DAB1: variants seen among roughly 807,000 people sequenced by gnomAD.
DAB1 encodes the protein disabled homolog 1.
Under a neutral mutation model 64.6 loss-of-function variants are expected in DAB1, and 15 were observed. That is an observed-to-expected ratio of 0.23 (90% confidence interval 0.16 to 0.36). The LOEUF (loss-of-function observed/expected upper bound fraction) is 0.36, where lower values mean the gene tolerates loss of function less well. Among genes scored for constraint, DAB1 ranks in the 10% least tolerant of loss-of-function variants. The probability of loss-of-function intolerance (pLI) is 1.00; values close to 1 mark genes in which losing one functional copy is unlikely to be tolerated. For missense variants in DAB1, 596 were observed against 706.7 expected, an observed-to-expected ratio of 0.84 and a Z score of 1.78; for synonymous variants, 235 against 251.9, an observed-to-expected ratio of 0.93 and a Z score of 0.64.
intron 4 of DAB1, among the ~76,000 whole-genome samples, chr1:58,157,504 G>T (rs567490643): frequency 6.6e-6 from 1 of 152,302 alleles, no homozygotes; most frequent in South Asian, 2.1e-4. Context: ...AGTTTACTGA[G>T]TTCCAGTCAC....
chr1:58,280,710 A>G lies in DAB1; in HGVS notation n.309+62642T>C, dbSNP rs1661539947. Reference sequence around the variant, plus strand: ...GTCTCAGCTTTTCTATCTGTAATAAAGAAGGAGGAGGAGGAGGAGGCCACC... The same window carrying G: ...GTCTCAGCTTTTCTATCTGTAATAAGGAAGGAGGAGGAGGAGGAGGCCACC... On this transcript the variant is annotated intron_variant and non_coding_transcript_variant, in intron 4 of 20. Transcript: ENST00000485760. Among the ~76,000 whole-genome samples the G allele has an allele frequency of 2.0e-5, 3 of 152,340 alleles. No homozygotes were observed. The South Asian group carries it at 6.2e-4, about 32-fold the overall frequency.
intron 5 of DAB1, among the ~76,000 whole-genome samples, chr1:57,959,942 CCT>C (rs1457022512): frequency 1.3e-5 from 2 of 152,160 alleles, no homozygotes; most frequent in Non-Finnish European, 2.9e-5. Flanking sequence ...TCTTCTTTCT[CCT>C]CTCTCTAGGC....
intron 5 of DAB1, among the ~76,000 whole-genome samples, chr1:58,133,944 G>A (rs1279017716): frequency 6.6e-6 from 1 of 152,066 alleles, no homozygotes; most frequent in Non-Finnish European, 1.5e-5. Flanking sequence ...CCACCCCCAA[G>A]GCACACAGGA....
chr1:57,687,599 C>CAAAAAAAAA (rs57316234), intron 6 of DAB1, among the ~76,000 whole-genome samples: 1,245 of 81,602 alleles, frequency 0.015, 1 homozygote, highest in Non-Finnish European at 0.016. Flanking sequence ...TCTTAAGAAA[C>CAAAAAAAAA]AAAAAAAAAA....
At chr1:57,305,445 C>T (rs1240769197) in intron 1 of DAB1, among the ~76,000 whole-genome samples, 6 of 152,190 alleles carry the variant, frequency 3.9e-5, no homozygotes, top group Non-Finnish European at 8.8e-5. Context: ...AGGAGGCCCA[C>T]ACATGAAAGA....
intron 1 of DAB1, among the ~76,000 whole-genome samples, chr1:57,393,666 T>A (rs954693608): frequency 6.6e-6 from 1 of 152,084 alleles, no homozygotes; most frequent in African/African-American, 2.4e-5. Flanking sequence ...TCTCAAAAAA[T>A]GAAAATCAAA....
At chr1:57,439,002 C>T (rs1230327005) in intron 7 of DAB1, among the ~76,000 whole-genome samples, 1 of 152,124 alleles carries the variant, frequency 6.6e-6, no homozygotes, top group African/African-American at 2.4e-5. Context: ...GCATGTGACC[C>T]AAGCTAAGTC....
intron 2 of DAB1, among the ~76,000 whole-genome samples, chr1:57,211,454 A>T (rs1326119314): frequency 6.6e-6 from 1 of 152,156 alleles, no homozygotes; most frequent in Admixed American, 6.5e-5. Flanking sequence ...TATAGGGAAG[A>T]GTATGGGGCT....
chr1:57,397,437 A>AGG (rs1290123801), intron 1 of DAB1, among the ~76,000 whole-genome samples: 4 of 152,064 alleles, frequency 2.6e-5, no homozygotes, highest in Non-Finnish European at 4.4e-5. Flanking sequence ...TTTTTCTTCC[A>AGG]GACCTTTCAC....
rs1352288515 is a variant in DAB1 at position 58,404,430 on chromosome 1, T to A, written n.258-61027A>T. Among the ~76,000 whole-genome samples, 3 of 152,102 alleles carry A rather than the reference T, an allele frequency of 2.0e-5. No homozygotes were observed. The East Asian group carries it at 5.8e-4, about 29-fold the overall frequency. On this transcript the variant is annotated intron_variant and non_coding_transcript_variant, in intron 3 of 20. Coordinates refer to the DAB1 transcript ENST00000485760. ...TGATGTGAGTCCTGGATTCTATAGG[T>A]CTCATCTCTCTAATCATCAGGACCG...
intron 7 of DAB1, among the ~76,000 whole-genome samples, chr1:57,440,812 A>G (rs1685912946): frequency 6.6e-6 from 1 of 152,234 alleles, no homozygotes; most frequent in Non-Finnish European, 1.5e-5. Context: ...AATATAAAAT[A>G]AAACATGAAT....
intron 4 of DAB1, among the ~76,000 whole-genome samples, chr1:58,311,966 G>A (rs1662441107): frequency 1.3e-5 from 2 of 152,128 alleles, no homozygotes; most frequent in African/African-American, 4.8e-5. Context: ...ATAGTTGATG[G>A]CAAAGCAGGG....
intron 4 of DAB1, among the ~76,000 whole-genome samples, chr1:58,270,014 G>C: frequency 5.7e-5 from 1 of 17,484 alleles, no homozygotes; most frequent in African/African-American, 1.7e-4. Context: ...CTGTGCAGAA[G>C]CTCTTTAGTT....
chr1:58,396,722 G>A (rs2100559952), intron 3 of DAB1, among the ~76,000 whole-genome samples: 1 of 152,214 alleles, frequency 6.6e-6, no homozygotes, highest in Non-Finnish European at 1.5e-5. Context: ...ATGACAGTAG[G>A]ACAGAAATAG....
chr1:58,363,069 C>G (rs1364920900), intron 3 of DAB1, among the ~76,000 whole-genome samples: 2 of 152,226 alleles, frequency 1.3e-5, no homozygotes, highest in East Asian at 3.9e-4. Flanking sequence ...ACAGCACTAA[C>G]CCATCAGATC....
At chr1:58,407,884 A>C (rs1644631222) in intron 3 of DAB1, among the ~76,000 whole-genome samples, 1 of 152,214 alleles carries the variant, frequency 6.6e-6, no homozygotes, top group South Asian at 2.1e-4. Context: ...TGCCCTTCAA[A>C]GAAAAGCCTA....
At chr1:57,142,598 TCACACA>T (rs149545090) in intron 3 of DAB1, among the ~76,000 whole-genome samples, 3,190 of 142,792 alleles carry the variant, frequency 0.022, 136 homozygotes, top group African/African-American at 0.079. Context: ...TCACTGCAGG[TCACACA>T]CACACACACA....
intron 9 of DAB1, among the ~76,000 whole-genome samples, chr1:57,046,131 A>G (rs1570584709): frequency 6.6e-6 from 1 of 152,208 alleles, no homozygotes; most frequent in South Asian, 2.1e-4. Flanking sequence ...CTCTCTTTAT[A>G]TATAAATAGA....
intron 7 of DAB1, chr1:57,605,877 A>C (rs371734789): frequency 6.4e-6 from 4 of 623,536 alleles, no homozygotes; most frequent in East Asian, 3.2e-5. Flanking sequence ...CTTCCACTTC[A>C]ACTCCTAGCT....
Sources: gnomAD v4.1 joint callset for allele counts (sites outside exome capture counted in the v4.1 genomes callset) on GRCh38, gnomAD v4.1.1 for gene constraint, MANE v1.5 for transcripts, NCBI Gene and HGNC (gene_info 2026-07-23, HGNC 2026-07-21) for gene names.